Variants in KDELR1 observed in about 807,000 individuals in gnomAD.
The protein encoded by KDELR1 is ER lumen protein-retaining receptor 1.
Under a neutral mutation model 25.5 loss-of-function variants are expected in KDELR1, and 16 were observed. The observed-to-expected ratio is 0.63, with a 90% CI of 0.43 to 0.95. The LOEUF is 0.95. KDELR1 is among the 40% of genes least tolerant of loss of function. The pLI is 0.00. For synonymous variants in KDELR1, 121 were observed against 115.0 expected (o/e 1.05, Z -0.33); for missense variants, 159 against 265.2 (o/e 0.60, Z 2.78).
In KDELR1 at chr19:48,391,390, G is replaced by A. The variant is rs910061030; in HGVS notation, c.-32C>T. 3 of 1,530,814 alleles carry A rather than the reference G, an allele frequency of 2.0e-6. No homozygotes were observed. Among genetic ancestry groups the A allele is most frequent in the East Asian group, 2.5e-5 (1 of 40,778 alleles). The allele number at this position is 1,530,814 out of a possible 1,614,324, so 94.8% of individuals were successfully genotyped here. On this transcript the variant is annotated 5_prime_UTR_variant, in exon 1 of 5. Transcript: ENST00000330720. ...GGAACCCTGGCAGGGCTGAGCGGGA[G>A]GGAGGCAGGCTGGCGGGGGGGTGCC...
chr19:48,390,577 G>GAGAGAGAGAGACAGAC (rs1555890422), intron 1 of KDELR1, 53 bp from the exon 2 acceptor site: 447 of 980,284 alleles, frequency 4.6e-4, no homozygotes, highest in Admixed American at 1.5e-3. Context: ...GAGAGAGAGA[G>GAGAGAGAGAGACAGAC]AGACAGACAG....
rs748313839 is a variant in KDELR1 at position 48,384,306 on chromosome 19, G to A, written c.528C>T (p.Phe176=). 49 of 1,614,110 alleles carry A rather than the reference G, an allele frequency of 3.0e-5. No individual in the cohort carries two copies. Among genetic ancestry groups the A allele is most frequent in the South Asian group, 4.4e-5 (4 of 91,092 alleles). The stretch of plus-strand genomic sequence containing the variant: ...GGCCTGCCACAATGGCGATGAGGTC[G>A]AAGAAGCCCTCGAAATGGTAGCGCC... ...WIWRYHFEGF[F]DLIAIVAGLV... The change falls in exon 4 of 5, where the codon TTC becomes TTT. Residue 176 remains phenylalanine (F), a synonymous_variant. Coordinates refer to ENST00000330720, the MANE Select transcript of KDELR1 (RefSeq NM_006801.3). The surrounding 1 kb of genome is among the most constrained non-coding windows in gnomAD (Gnocchi z 4.6).
upstream of KDELR1, chr19:48,391,562 G>A (rs960136344): frequency 3.5e-6 from 2 of 573,282 alleles, no homozygotes; most frequent in African/African-American, 3.8e-5. Flanking sequence ...AGGGAGGAGA[G>A]CGAGAGGGGG....
intron 3 of KDELR1, among the ~76,000 whole-genome samples, chr19:48,388,118 C>T (rs1175038041): frequency 6.6e-6 from 1 of 152,204 alleles, no homozygotes; most frequent in Admixed American, 6.5e-5. Flanking sequence ...CATTTGAACC[C>T]TATGACATAG....
At chr19:48,393,562 G>A (rs936921807), upstream of KDELR1, among the ~76,000 whole-genome samples, 3 of 152,162 alleles carry the variant, frequency 2.0e-5, no homozygotes, top group Non-Finnish European at 1.5e-5. The surrounding 1 kb of genome is among the most constrained non-coding windows in gnomAD (Gnocchi z 5.6). Flanking sequence ...AGGGGTGGGG[G>A]GCGGCCCCCT....
Position 48,383,232 on chromosome 19 carries a change from T to A in KDELR1, c.*61A>T. 4 of 1,520,388 alleles carry A rather than the reference T, an allele frequency of 2.6e-6. No homozygotes were observed. The highest frequency in any genetic ancestry group is 3.6e-6 in the Non-Finnish European group (4 of 1,120,750). The allele number at this position is 1,520,388 out of a possible 1,614,324, so 94.2% of individuals were successfully genotyped here. On this transcript the variant is annotated 3_prime_UTR_variant, in exon 5 of 5. Transcript: ENST00000330720. ...CACCCCTGGATGGGAAAGCTCTTCA[T>A]CTTCTGCCGCCTTCCTCTGCCTCCC... is the stretch of plus-strand genomic sequence containing the variant.
At position 48,384,184 on chromosome 19, in the gene KDELR1, T is replaced by C. The variant is rs1195548372; in HGVS notation, c.604+46A>G. 2.5e-6 allele frequency: 4 copies of C among 1,606,906 alleles called. No homozygotes were observed. In the East Asian group the frequency reaches 8.9e-5, roughly 36 times the overall value. ...CCCAGTCCCCAGGGAGGGCAGGAGC[T>C]GCAGAAATAGGAGGTTCCCTTCCAG... is the stretch of plus-strand genomic sequence containing the variant. On this transcript the variant is annotated intron_variant, in intron 4 of 4. Coordinates refer to ENST00000330720, the MANE Select transcript of KDELR1 (RefSeq NM_006801.3). This position sits in a 1 kb window ranked among gnomAD's most constrained non-coding sequence, Gnocchi z 4.6.
At chr19:48,395,608 A>G (rs960442277), upstream of KDELR1, among the ~76,000 whole-genome samples, 1 of 151,668 alleles carries the variant, frequency 6.6e-6, no homozygotes, top group Non-Finnish European at 1.5e-5. Flanking sequence ...TCTCTGTTGG[A>G]TGCTGTGGGG....
In KDELR1 at chr19:48,383,150, C is replaced by T; in HGVS notation, c.*143G>A. 2 of 857,228 alleles carry T rather than the reference C, an allele frequency of 2.3e-6. No individual in the cohort carries two copies. The highest frequency in any genetic ancestry group is 3.7e-6 in the Non-Finnish European group (2 of 534,804). The allele number at this position is 857,228 out of a possible 1,614,324, so 53.1% of individuals were successfully genotyped here. Reference sequence around the variant, plus strand: ...CAAGACCTGGATCCTCCACTGTCCCCCTGAAACCCGGCAGGAGGCGGGATG... The same window carrying T: ...CAAGACCTGGATCCTCCACTGTCCCTCTGAAACCCGGCAGGAGGCGGGATG... On this transcript the variant is annotated 3_prime_UTR_variant, in exon 5 of 5. Transcript: ENST00000330720.
In KDELR1 at chr19:48,391,385, C is replaced by A. The variant is rs1192017506; in HGVS notation, c.-27G>T. ...GCTGGGGAACCCTGGCAGGGCTGAG[C>A]GGGAGGGAGGCAGGCTGGCGGGGGG... On this transcript the variant is annotated 5_prime_UTR_variant, in exon 1 of 5. Coordinates refer to ENST00000330720, the MANE Select transcript of KDELR1 (RefSeq NM_006801.3). 1.2e-5 allele frequency: 19 copies of A among 1,536,646 alleles called. No individual in the cohort carries two copies. The highest frequency in any genetic ancestry group is 1.4e-5 in the African/African-American group (1 of 72,776).
At chr19:48,394,355 C>T (rs1281724571), upstream of KDELR1, among the ~76,000 whole-genome samples, 1 of 150,930 alleles carries the variant, frequency 6.6e-6, no homozygotes, top group Non-Finnish European at 1.5e-5. This position sits in a 1 kb window ranked among gnomAD's most constrained non-coding sequence, Gnocchi z 5.1. Context: ...AAGGGGCAAG[C>T]AGTTCCCCAA....
upstream of KDELR1, chr19:48,391,655 G>A: frequency 2.3e-6 from 1 of 435,634 alleles, no homozygotes; most frequent in South Asian, 2.2e-5. Context: ...CTGCTTTGCC[G>A]TGGCGGCGCT....
Position 48,391,384 on chromosome 19 carries a change from G to A in KDELR1, c.-26C>T, listed in dbSNP as rs756819559. ...GGCTGGGGAACCCTGGCAGGGCTGA[G>A]CGGGAGGGAGGCAGGCTGGCGGGGG... On this transcript the variant is annotated 5_prime_UTR_variant, in exon 1 of 5. Transcript: ENST00000330720. 3 of 1,537,896 alleles carry A rather than the reference G, an allele frequency of 2.0e-6. No homozygotes were observed. The highest frequency in any genetic ancestry group is 2.4e-5 in the South Asian group (2 of 83,796).
At position 48,383,240 on chromosome 19, in the gene KDELR1, C is replaced by T. The variant is rs184944147; in HGVS notation, c.*53G>A. On this transcript the variant is annotated 3_prime_UTR_variant, in exon 5 of 5. Coordinates refer to ENST00000330720, the MANE Select transcript of KDELR1 (RefSeq NM_006801.3). Reference sequence around the variant, plus strand: ...GATGGGAAAGCTCTTCATCTTCTGCCGCCTTCCTCTGCCTCCCGCTGCTGC... The same window carrying T: ...GATGGGAAAGCTCTTCATCTTCTGCTGCCTTCCTCTGCCTCCCGCTGCTGC... The T allele has an allele frequency of 3.1e-5, 48 of 1,537,006 alleles. No individual in the cohort carries two copies. The Admixed American group carries it at 6.1e-4, about 19-fold the overall frequency.
Position 48,384,602 on chromosome 19 carries a change from G to C in KDELR1, c.352-120C>G. 1 of 1,268,858 alleles carries C rather than the reference G, an allele frequency of 7.9e-7. No homozygotes were observed. The highest frequency in any genetic ancestry group is 1.1e-6 in the Non-Finnish European group (1 of 923,512). The allele number at this position is 1,268,858 out of a possible 1,614,324, so 78.6% of individuals were successfully genotyped here. ...AGAGAAGGAAGGTGATCCAGGTGCT[G>C]CCAAGTGCCAGACACAGTTCTGCCC... On this transcript the variant is annotated intron_variant, in intron 3 of 4. Coordinates refer to ENST00000330720, the MANE Select transcript of KDELR1 (RefSeq NM_006801.3). This position sits in a 1 kb window ranked among gnomAD's most constrained non-coding sequence, Gnocchi z 4.6.
chr19:48,383,871 T>A (rs1479343018), intron 4 of KDELR1, among the ~76,000 whole-genome samples: 1 of 152,142 alleles, frequency 6.6e-6, no homozygotes, highest in Non-Finnish European at 1.5e-5. Context: ...GAGGCCTTTG[T>A]CTATCTTTTC....
chr19:48,394,181 C>CTG (rs138288378), upstream of KDELR1, among the ~76,000 whole-genome samples: 4 of 151,556 alleles, frequency 2.6e-5, no homozygotes, highest in Non-Finnish European at 4.4e-5. The surrounding 1 kb of genome is among the most constrained non-coding windows in gnomAD (Gnocchi z 5.1). Context: ...ACCCCCCACT[C>CTG]TGTGTGTGTG....
At chr19:48,392,823 C>T (rs373868118), upstream of KDELR1, among the ~76,000 whole-genome samples, 1 of 152,178 alleles carries the variant, frequency 6.6e-6, no homozygotes, top group Non-Finnish European at 1.5e-5. Context: ...TCCTGCCCCA[C>T]GCTCTACCCC....
At chr19:48,385,868 C>T (rs558505722) in intron 3 of KDELR1, among the ~76,000 whole-genome samples, 1 of 152,316 alleles carries the variant, frequency 6.6e-6, no homozygotes, top group Admixed American at 6.5e-5. Context: ...CATTCCCATT[C>T]TACAGATGAG....
Sources: allele counts gnomAD v4.1 joint callset (sites outside exome capture counted in the v4.1 genomes callset), GRCh38; gene constraint gnomAD v4.1.1; non-coding constraint Gnocchi (gnomAD v3.1); transcripts MANE v1.5; gene names NCBI Gene and HGNC (gene_info 2026-07-23, HGNC 2026-07-21).